Variants in BAZ2A observed in about 807,000 individuals in gnomAD.
The protein encoded by BAZ2A is bromodomain adjacent to zinc finger domain protein 2A.
A neutral mutation model predicts 199.9 loss-of-function variants in BAZ2A; 34 were observed. That is an observed-to-expected ratio of 0.17 (90% CI 0.13 to 0.23). The LOEUF (loss-of-function observed/expected upper bound fraction) is 0.23, where lower values mean the gene tolerates loss of function less well. BAZ2A is among the 10% of genes least tolerant of loss of function. BAZ2A has a pLI of 1.00. For synonymous variants in BAZ2A, 857 were observed against 883.9 expected (o/e 0.97, Z 0.54); for missense variants, 2,002 against 2,391.1 (o/e 0.84, Z 3.39).
chr12:56,602,956 C>G, intron 18 of BAZ2A, 99 bp from the exon 19 acceptor site: 1 of 1,362,548 alleles, frequency 7.3e-7, no homozygotes, highest in African/African-American at 1.5e-5. Flanking sequence ...CTCTCAGTCC[C>G]TCTATAAAAG....
chr12:56,619,839 T>A (rs1397324520), intron 1 of BAZ2A, among the ~76,000 whole-genome samples: 1 of 151,980 alleles, frequency 6.6e-6, no homozygotes, highest in Admixed American at 6.6e-5. Context: ...CAAGGCTCTG[T>A]CTCCACAAAA....
intron 1 of BAZ2A, among the ~76,000 whole-genome samples, chr12:56,629,302 G>T (rs1011903722): frequency 6.6e-6 from 1 of 152,070 alleles, no homozygotes; most frequent in African/African-American, 2.4e-5. Flanking sequence ...ACCCTACAAA[G>T]GACAACTGCT....
At chr12:56,610,280 G>A (rs1950518824) in intron 8 of BAZ2A, 65 bp from the exon 9 acceptor site, 2 of 1,587,532 alleles carry the variant, frequency 1.3e-6, no homozygotes, top group Admixed American at 1.7e-5. Flanking sequence ...GCCAGCAAAG[G>A]CATAAGCAGA....
chr12:56,617,263 A>G, intron 2 of BAZ2A, 132 bp downstream of exon 2: 1 of 1,137,926 alleles, frequency 8.8e-7, no homozygotes, highest in South Asian at 2.5e-5. Context: ...AATGTTTCCA[A>G]AAAACCCTAG....
chr12:56,632,390 C>A (rs1396838455), upstream of BAZ2A, among the ~76,000 whole-genome samples: 1 of 152,166 alleles, frequency 6.6e-6, no homozygotes, highest in Non-Finnish European at 1.5e-5. Flanking sequence ...GGAGAATCTT[C>A]CTACCTCCTG....
intron 7 of BAZ2A, among the ~76,000 whole-genome samples, chr12:56,610,867 T>C (rs1398157915): frequency 6.6e-6 from 1 of 152,016 alleles, no homozygotes; most frequent in Non-Finnish European, 1.5e-5. Flanking sequence ...CTAAGGGGAA[T>C]AAAGACAGAA....
intron 7 of BAZ2A, 45 bp from the exon 8 acceptor site, chr12:56,610,562 C>T: frequency 6.4e-7 from 1 of 1,560,406 alleles, no homozygotes; most frequent in Non-Finnish European, 8.7e-7. Context: ...CACACCCCTA[C>T]CCACTCCCAT....
chr12:56,625,256 A>C (rs922579696), intron 1 of BAZ2A, among the ~76,000 whole-genome samples: 2 of 150,702 alleles, frequency 1.3e-5, no homozygotes, highest in Admixed American at 1.3e-4. Context: ...CCCCGGTTCA[A>C]GCAATTCTCC....
In BAZ2A at chr12:56,604,275, G is replaced by A; in HGVS notation, c.2980C>T (p.Leu994=). 6.2e-7 allele frequency: 1 copy of A among 1,608,552 alleles called. No individual in the cohort carries two copies. Among genetic ancestry groups the A allele is most frequent in the Non-Finnish European group, 8.5e-7 (1 of 1,177,278 alleles). The stretch of plus-strand genomic sequence containing the variant: ...TTCCTGTAGCTGGACATACTCTCCA[G>A]AGTCTTGTCAATCTCACTGCAGGGG... ...TLIINEIDKT[L]ESMSSYRKNK... The change falls in exon 16 of 29, where the codon CTG becomes TTG. Residue 994 remains leucine, a synonymous_variant. Coordinates refer to ENST00000549884, the MANE Select transcript of BAZ2A (RefSeq NM_001300905.2).
chr12:56,614,526 C>CTAA, intron 3 of BAZ2A, among the ~76,000 whole-genome samples: 1 of 152,252 alleles, frequency 6.6e-6, no homozygotes, highest in Non-Finnish European at 1.5e-5. Flanking sequence ...GTCACGTGTA[C>CTAA]TAATGCTAAA....
At chr12:56,632,151 CA>C (rs906754421), upstream of BAZ2A, among the ~76,000 whole-genome samples, 1 of 152,184 alleles carries the variant, frequency 6.6e-6, no homozygotes, top group Non-Finnish European at 1.5e-5. Flanking sequence ...CTGCTGACCT[CA>C]AGTCCCTGAG....
At chr12:56,613,454 G>A (rs980484112) in intron 4 of BAZ2A, among the ~76,000 whole-genome samples, 9 of 152,152 alleles carry the variant, frequency 5.9e-5, no homozygotes, top group Non-Finnish European at 1.0e-4. Context: ...CAGAAGAATT[G>A]CTTGAGGCCA....
upstream of BAZ2A, chr12:56,635,040 C>T: frequency 1.0e-6 from 1 of 984,252 alleles, no homozygotes. The surrounding 1 kb of genome is among the most constrained non-coding windows in gnomAD (Gnocchi z 4.1). Flanking sequence ...AGCCCTGGGC[C>T]GGCGGCGGCG....
At chr12:56,626,274 T>C (rs966571462) in intron 1 of BAZ2A, among the ~76,000 whole-genome samples, 5 of 152,210 alleles carry the variant, frequency 3.3e-5, no homozygotes, top group Non-Finnish European at 7.3e-5. Context: ...AGGAATTATC[T>C]CAAATTTTAT....
rs1305046326 is a variant in BAZ2A at position 56,609,775 on chromosome 12, T to C, written c.2053A>G (p.Lys685Glu). The C allele has an allele frequency of 5.0e-6, 8 of 1,613,956 alleles. No individual in the cohort carries two copies. The Admixed American group carries it at 1.2e-4, about 24-fold the overall frequency. Residue 685 changes from lysine to glutamate, a missense_variant, in exon 10 of 29, where the codon AAG (lysine) becomes GAG (glutamate). Transcript: ENST00000549884. ...TTCTTTAGGGGGCGGTTGTCTGTCTTGTTCAATAGCTCAGTGATTTTGACC... is the reference window on the plus strand; with the variant it reads ...TTCTTTAGGGGGCGGTTGTCTGTCTCGTTCAATAGCTCAGTGATTTTGACC... ...PKVKITELLN[K>E]TDNRPLKKLE...
intron 1 of BAZ2A, among the ~76,000 whole-genome samples, chr12:56,620,750 G>A (rs900029828): frequency 6.6e-6 from 1 of 151,858 alleles, no homozygotes; most frequent in Non-Finnish European, 1.5e-5. Context: ...TAGTAGAGAC[G>A]GGGTTACACC....
rs1317127978 is a variant in BAZ2A, at chr12:56,635,913, A to G, written c.4+269T>C. 6.6e-6 allele frequency among the ~76,000 whole-genome samples: 1 copy of G among 152,108 alleles called. No individual in the cohort carries two copies. On this transcript the variant is annotated intron_variant, in intron 1 of 29. Coordinates refer to the BAZ2A transcript ENST00000379441. This position sits in a 1 kb window ranked among gnomAD's most constrained non-coding sequence, Gnocchi z 4.1. ...AGCTTAAATGGGGAGGAGCAGGGGC[A>G]ATCCTCCACGGGGCGGCGGGGAGGG...
chr12:56,610,079 AG>A, intron 9 of BAZ2A, 34 bp downstream of exon 9: 1 of 1,609,332 alleles, frequency 6.2e-7, no homozygotes, highest in Non-Finnish European at 8.5e-7. Flanking sequence ...ACTCTTCCTC[AG>A]GGACAAAAGC....
chr12:56,616,171 G>A (rs1312295861), intron 2 of BAZ2A, among the ~76,000 whole-genome samples: 1 of 152,106 alleles, frequency 6.6e-6, no homozygotes, highest in African/African-American at 2.4e-5. Flanking sequence ...AAAGTGCTGG[G>A]ATTACAGGCG....
Sources: allele counts gnomAD v4.1 joint callset (sites outside exome capture counted in the v4.1 genomes callset), GRCh38; gene constraint gnomAD v4.1.1; non-coding constraint Gnocchi (gnomAD v3.1); transcripts MANE v1.5; gene names NCBI Gene and HGNC (gene_info 2026-07-23, HGNC 2026-07-21).